Variants in ARHGAP39 observed in about 807,000 individuals in gnomAD.
ARHGAP39 encodes rho GTPase-activating protein 39.
In ARHGAP39, 44 loss-of-function variants were observed where a neutral mutation model predicts 106.9. The observed-to-expected ratio is 0.41, with a 90% CI of 0.32 to 0.53. The LOEUF (loss-of-function observed/expected upper bound fraction) is 0.53. ARHGAP39 is among the 20% of genes least tolerant of loss of function. The probability of loss-of-function intolerance (pLI) is 0.21; values close to 1 mark genes in which losing one functional copy is unlikely to be tolerated. For missense variants in ARHGAP39, 1,496 were observed against 1,577.3 expected (o/e 0.95, Z 0.87); for synonymous variants, 768 against 693.2 (o/e 1.11, Z -1.69).
At chr8:144,619,740 G>A (rs1309552392) in intron 1 of ARHGAP39, among the ~76,000 whole-genome samples, 1 of 151,640 alleles carries the variant, frequency 6.6e-6, no homozygotes, top group African/African-American at 2.4e-5. Flanking sequence ...GTGCGTGTGA[G>A]CCTGTGTGTA....
At chr8:144,609,483 C>A (rs918931506) in intron 1 of ARHGAP39, among the ~76,000 whole-genome samples, 1 of 148,252 alleles carries the variant, frequency 6.7e-6, no homozygotes, top group African/African-American at 2.5e-5. Flanking sequence ...CTGACTGCAA[C>A]CTCCACCTCC....
At chr8:144,551,909 C>T (rs145271821) in intron 4 of ARHGAP39, among the ~76,000 whole-genome samples, 3 of 152,310 alleles carry the variant, frequency 2.0e-5, no homozygotes, top group Admixed American at 1.3e-4. Flanking sequence ...GAGCCCAGCT[C>T]GTTCCCATCT....
chr8:144,678,619 G>A (rs1340287593), intron 1 of ARHGAP39, among the ~76,000 whole-genome samples: 1 of 152,238 alleles, frequency 6.6e-6, no homozygotes, highest in African/African-American at 2.4e-5. Flanking sequence ...GGGAGCCAGG[G>A]AGGAGAGCCA....
At chr8:144,567,067 G>A (rs995990412) in intron 3 of ARHGAP39, among the ~76,000 whole-genome samples, 1 of 152,098 alleles carries the variant, frequency 6.6e-6, no homozygotes, top group Non-Finnish European at 1.5e-5. Flanking sequence ...GATGTGGGCG[G>A]CAAGCCACCC....
At chr8:144,593,949 T>C (rs962694132) in intron 2 of ARHGAP39, among the ~76,000 whole-genome samples, 2 of 151,292 alleles carry the variant, frequency 1.3e-5, no homozygotes, top group African/African-American at 4.9e-5. Flanking sequence ...ATTAGCTGAG[T>C]GTGGTGGCTC....
chr8:144,682,490 A>G (rs1169242765), intron 1 of ARHGAP39, among the ~76,000 whole-genome samples: 1 of 149,012 alleles, frequency 6.7e-6, no homozygotes, highest in Admixed American at 6.7e-5. Context: ...CGGAGCTTGC[A>G]GTGAGCCGAG....
At chr8:144,678,566 T>C (rs931732824) in intron 1 of ARHGAP39, among the ~76,000 whole-genome samples, 4 of 151,964 alleles carry the variant, frequency 2.6e-5, no homozygotes, top group African/African-American at 9.7e-5. Flanking sequence ...GCAGAGTAGG[T>C]TGGGGTCACG....
At chr8:144,625,841 G>C (rs373095918) in intron 1 of ARHGAP39, among the ~76,000 whole-genome samples, 1 of 1,558 alleles carries the variant, frequency 6.4e-4, no homozygotes. Context: ...CCGGCGGCCC[G>C]GTTCACGGAG....
intron 1 of ARHGAP39, among the ~76,000 whole-genome samples, chr8:144,640,204 G>A (rs781643922): frequency 3.5e-4 from 54 of 152,284 alleles, no homozygotes; most frequent in Non-Finnish European, 3.7e-4. Context: ...GGACTCTCGC[G>A]TGGCTCAGTT....
chr8:144,592,788 C>T (rs1405063162), intron 2 of ARHGAP39, among the ~76,000 whole-genome samples: 9 of 152,154 alleles, frequency 5.9e-5, no homozygotes, highest in Non-Finnish European at 8.8e-5. Flanking sequence ...CCACAGAGGG[C>T]GACCTGGCCT....
chr8:144,532,382 A>T lies in ARHGAP39; in HGVS notation c.2903T>A (p.Ile968Asn). ...CAGCTTCAGGGCATTCACCTCGTCA[A>T]TGTCCCCAGGGACCCTGCAGGGCAC... ...TEGIFRVPGD[I>N]DEVNALKLQV... is the part of the protein sequence containing the mutation. Residue 968 changes from isoleucine to asparagine, a missense_variant, in exon 10 of 12, where the codon ATT (isoleucine) becomes AAT (asparagine). By Grantham distance (149) the Ile-to-Asn change is moderately radical. This residue lies in a region of ARHGAP39 where 470 missense variants were observed against 605.1 expected (regional missense o/e 0.78). Transcript: ENST00000377307. 1 of 1,612,506 alleles carries T rather than the reference A, an allele frequency of 6.2e-7. No individual in the cohort carries two copies. The highest frequency in any genetic ancestry group is 8.5e-7 in the Non-Finnish European group (1 of 1,179,632).
intron 6 of ARHGAP39, among the ~76,000 whole-genome samples, chr8:144,538,665 C>T (rs542865016): frequency 2.6e-5 from 4 of 152,200 alleles, no homozygotes; most frequent in South Asian, 2.1e-4. Flanking sequence ...CTCCACCTCC[C>T]GGGTTCAAGA....
At chr8:144,531,101 G>A (rs1046893023) in intron 10 of ARHGAP39, among the ~76,000 whole-genome samples, 1 of 152,256 alleles carries the variant, frequency 6.6e-6, no homozygotes, top group Non-Finnish European at 1.5e-5. Context: ...CAGCAGAGTT[G>A]TGCAAAACAG....
intron 1 of ARHGAP39, among the ~76,000 whole-genome samples, chr8:144,614,282 T>G (rs1299675293): frequency 6.6e-6 from 1 of 152,200 alleles, no homozygotes; most frequent in African/African-American, 2.4e-5. Context: ...CACCTGATAA[T>G]CTTTGGTTGG....
At chr8:144,620,757 C>T (rs1296471220) in intron 1 of ARHGAP39, among the ~76,000 whole-genome samples, 2 of 152,256 alleles carry the variant, frequency 1.3e-5, no homozygotes, top group Non-Finnish European at 2.9e-5. Flanking sequence ...CCGCCTGTGC[C>T]CATCCACCTG....
chr8:144,580,791 G>A, intron 3 of ARHGAP39, 55 bp downstream of exon 3: 1 of 201,080 alleles, frequency 5.0e-6, no homozygotes, highest in South Asian at 1.4e-4. Flanking sequence ...GCCTCACCTG[G>A]CCCCGCCCAC....
At chr8:144,682,975 C>A (rs972089385) in intron 1 of ARHGAP39, among the ~76,000 whole-genome samples, 1 of 151,930 alleles carries the variant, frequency 6.6e-6, no homozygotes, top group Non-Finnish European at 1.5e-5. Flanking sequence ...CATGATCGCA[C>A]CACTGCACTC....
At chr8:144,601,234 A>T (rs1586599551) in intron 2 of ARHGAP39, among the ~76,000 whole-genome samples, 1 of 96,880 alleles carries the variant, frequency 1.0e-5, no homozygotes, top group Non-Finnish European at 2.0e-5. Flanking sequence ...AAGCTCATGT[A>T]CCTGTGTGCA....
At chr8:144,664,574 T>C (rs943918014) in intron 1 of ARHGAP39, among the ~76,000 whole-genome samples, 1 of 152,200 alleles carries the variant, frequency 6.6e-6, no homozygotes, top group African/African-American at 2.4e-5. Flanking sequence ...TCTCAACTTG[T>C]ACTCCCAGAA....
Sources: allele counts gnomAD v4.1 joint callset (sites outside exome capture counted in the v4.1 genomes callset), GRCh38; gene constraint gnomAD v4.1.1; regional missense constraint gnomAD v4.1.1; transcripts MANE v1.5; gene names NCBI Gene and HGNC (gene_info 2026-07-23, HGNC 2026-07-21).